The following PIK3CB variants were observed in gnomAD, a reference collection of about 807,000 sequenced individuals.
The protein encoded by PIK3CB is phosphatidylinositol-4,5-bisphosphate 3-kinase catalytic subunit beta, also known as phosphatidylinositol 4,5-bisphosphate 3-kinase catalytic subunit beta isoform.
Under a neutral mutation model 136.8 loss-of-function variants are expected in PIK3CB, and 39 were observed. The observed-to-expected ratio is 0.29, with a 90% CI of 0.22 to 0.37. PIK3CB has a LOEUF of 0.37. Ranked by LOEUF, PIK3CB falls within the 10% of genes least tolerant of loss-of-function variation. The pLI is 1.00. For missense variants in PIK3CB, 868 were observed against 1,275.4 expected (o/e 0.68, Z 4.87); for synonymous variants, 428 against 436.6 (o/e 0.98, Z 0.25).
chr3:138,787,105 C>T (rs147789069), intron 2 of PIK3CB, among the ~76,000 whole-genome samples: 133 of 152,084 alleles, frequency 8.7e-4, no homozygotes, highest in African/African-American at 3.1e-3. Flanking sequence ...GAAAAAGAAC[C>T]CCGAGGCAAA....
At chr3:138,813,319 AT>A (rs1198083176) in intron 1 of PIK3CB, among the ~76,000 whole-genome samples, 1 of 152,088 alleles carries the variant, frequency 6.6e-6, no homozygotes, top group Admixed American at 6.6e-5. Context: ...GTTCCCAAAG[AT>A]CTAAAAAACC....
rs988255511 is a variant in PIK3CB, at chr3:138,759,157, A to G, written c.171+16T>C. 1 of 1,538,984 alleles carries G rather than the reference A, an allele frequency of 6.5e-7. No homozygotes were observed. Among genetic ancestry groups the G allele is most frequent in the Non-Finnish European group, 8.9e-7 (1 of 1,118,440 alleles). ...ACAGTATGCTAAACACATAGAAATT[A>G]TACCTATTAACATACCTGCTTAATA... On this transcript the variant is annotated intron_variant, in intron 3 of 23. Transcript: ENST00000674063.
chr3:138,822,038 A>G (rs1363281088), intron 1 of PIK3CB, among the ~76,000 whole-genome samples: 1 of 151,944 alleles, frequency 6.6e-6, no homozygotes, highest in Non-Finnish European at 1.5e-5. Flanking sequence ...ATAATCCCAG[A>G]TACTGGGGAG....
In PIK3CB at chr3:138,654,539, G is replaced by C. The variant is rs2043160997; in HGVS notation, c.*850C>G. On this transcript the variant is annotated 3_prime_UTR_variant, in exon 24 of 24. Coordinates refer to ENST00000674063, the MANE Select transcript of PIK3CB (RefSeq NM_006219.3). Reference sequence around the variant, plus strand: ...CATTTGCTCAAGTATTATTCTCTATGAAGTGAACTCTTTCATAGATACCAT... The same window carrying C: ...CATTTGCTCAAGTATTATTCTCTATCAAGTGAACTCTTTCATAGATACCAT... 8.8e-6 allele frequency: 2 copies of C among 227,774 alleles called. No homozygotes were observed. The highest frequency in any genetic ancestry group is 6.3e-5 in the East Asian group (1 of 15,858). 14.1% of individuals were successfully genotyped at this position (227,774 alleles called of 1,614,324 possible).
intron 1 of PIK3CB, among the ~76,000 whole-genome samples, chr3:138,823,750 G>T (rs1341920411): frequency 2.0e-5 from 3 of 152,008 alleles, no homozygotes; most frequent in Non-Finnish European, 4.4e-5. Flanking sequence ...ACTATCAGTA[G>T]GCTAACTTAT....
At chr3:138,763,053 G>A (rs1181696483) in intron 2 of PIK3CB, among the ~76,000 whole-genome samples, 1 of 152,044 alleles carries the variant, frequency 6.6e-6, no homozygotes, top group African/African-American at 2.4e-5. Flanking sequence ...GCCAGCTACT[G>A]AACAAGTAAC....
At chr3:138,744,927 C>G (rs1276984039) in intron 4 of PIK3CB, among the ~76,000 whole-genome samples, 1 of 152,224 alleles carries the variant, frequency 6.6e-6, no homozygotes, top group African/African-American at 2.4e-5. Flanking sequence ...TATCTTGAAA[C>G]CCTTCACCAC....
intron 9 of PIK3CB, among the ~76,000 whole-genome samples, chr3:138,712,908 A>G (rs889730934): frequency 3.9e-5 from 6 of 152,158 alleles, no homozygotes; most frequent in African/African-American, 7.2e-5. Context: ...CACGTATAAT[A>G]TCAGAATACT....
intron 8 of PIK3CB, among the ~76,000 whole-genome samples, chr3:138,723,349 G>A (rs187676185): frequency 4.7e-3 from 716 of 152,176 alleles, no homozygotes; most frequent in Non-Finnish European, 7.2e-3. Flanking sequence ...TCAGGAGTTC[G>A]AGACCAGCCT....
intron 2 of PIK3CB, 25 bp from the exon 3 acceptor site, chr3:138,759,384 G>C (rs1249724247): frequency 6.5e-7 from 1 of 1,540,160 alleles, no homozygotes; most frequent in African/African-American, 1.4e-5. Flanking sequence ...TTAAAACATA[G>C]CAAAACAACC....
At chr3:138,730,596 G>A (rs1301474914) in intron 8 of PIK3CB, among the ~76,000 whole-genome samples, 1 of 151,970 alleles carries the variant, frequency 6.6e-6, no homozygotes, top group African/African-American at 2.4e-5. Context: ...ATGACTTGTG[G>A]GTAGATTTGA....
chr3:138,737,666 C>T (rs1406484566), intron 6 of PIK3CB, 41 bp downstream of exon 6: 29 of 835,092 alleles, frequency 3.5e-5, no homozygotes, highest in Non-Finnish European at 5.0e-5. Flanking sequence ...TATATATATA[C>T]TCATAGACTT....
intron 2 of PIK3CB, among the ~76,000 whole-genome samples, chr3:138,759,795 C>G (rs1034378102): frequency 3.3e-5 from 5 of 152,128 alleles, no homozygotes; most frequent in African/African-American, 1.2e-4. Context: ...TTTCTCCAAA[C>G]TTTATTTAGA....
chr3:138,711,041 A>G (rs1576346415), intron 10 of PIK3CB, among the ~76,000 whole-genome samples: 1 of 151,554 alleles, frequency 6.6e-6, no homozygotes, highest in African/African-American at 2.4e-5. Context: ...CGCATATCAC[A>G]CCACTGCACT....
chr3:138,748,529 T>G (rs888058055), intron 4 of PIK3CB, among the ~76,000 whole-genome samples: 1 of 152,200 alleles, frequency 6.6e-6, no homozygotes, highest in Non-Finnish European at 1.5e-5. Context: ...ATACTATCAA[T>G]ATATGAATAT....
chr3:138,772,784 T>TC (rs1265774301), intron 2 of PIK3CB, among the ~76,000 whole-genome samples: 2 of 92,442 alleles, frequency 2.2e-5, no homozygotes, highest in Admixed American at 9.8e-5. Context: ...ATTTATTCTC[T>TC]TTTTTTTTTT....
At chr3:138,760,145 G>A (rs967772777) in intron 2 of PIK3CB, among the ~76,000 whole-genome samples, 24 of 151,996 alleles carry the variant, frequency 1.6e-4, no homozygotes, top group Admixed American at 5.9e-4. Context: ...GGATGGTCTC[G>A]ATCTCCTGAC....
intron 16 of PIK3CB, 51 bp from the exon 17 acceptor site, chr3:138,684,854 A>C (rs778764555): frequency 7.5e-7 from 1 of 1,336,614 alleles, no homozygotes; most frequent in Admixed American, 1.8e-5. Context: ...AAAGTAATAT[A>C]ATATCATGTG....
At chr3:138,737,952 C>A in intron 5 of PIK3CB, 66 bp from the exon 6 acceptor site, 1 of 954,906 alleles carries the variant, frequency 1.0e-6, no homozygotes, top group South Asian at 1.9e-5. Context: ...AATCACATTA[C>A]AATCATTATG....
Sources: allele counts gnomAD v4.1 joint callset (sites outside exome capture counted in the v4.1 genomes callset), GRCh38; gene constraint gnomAD v4.1.1; transcripts MANE v1.5; gene names NCBI Gene and HGNC (gene_info 2026-07-23, HGNC 2026-07-21).